The following MID1 variants were observed in gnomAD, a reference collection of about 807,000 sequenced individuals.
MID1 encodes the protein midline 1, also known as E3 ubiquitin-protein ligase Midline-1.
A neutral mutation model predicts 40.4 loss-of-function variants in MID1; 7 were observed. That is an observed-to-expected ratio of 0.17 (90% CI 0.10 to 0.33). The LOEUF (loss-of-function observed/expected upper bound fraction) is 0.33. Among genes scored for constraint, MID1 ranks in the 10% least tolerant of loss-of-function variants. The pLI, the probability that MID1 is intolerant of heterozygous loss-of-function variation, is 1.00. For synonymous variants in MID1, 229 were observed against 221.2 expected (o/e 1.04, Z -0.31); for missense variants, 367 against 558.5 (o/e 0.66, Z 3.46).
At chrX:10,574,837 C>T (rs1934828837) in intron 1 of MID1, among the ~76,000 whole-genome samples, 1 of 112,422 alleles carries the variant, frequency 8.9e-6, no homozygotes, top group African/African-American at 3.2e-5. Context: ...ACTGGGTGGC[C>T]TGTGATTAAT....
chrX:10,587,247 G>A (rs1935161091), intron 1 of MID1, among the ~76,000 whole-genome samples: 1 of 112,742 alleles, frequency 8.9e-6, no homozygotes, highest in African/African-American at 3.2e-5. Context: ...TCGGCAGAGT[G>A]CCCAGTAAAG....
At chrX:10,820,507 GC>G (rs1295107645) in intron 1 of MID1, among the ~76,000 whole-genome samples, 2 of 111,538 alleles carry the variant, frequency 1.8e-5, no homozygotes, top group African/African-American at 6.5e-5. Flanking sequence ...TACCTACAGG[GC>G]CAATTATCTA....
intron 1 of MID1, among the ~76,000 whole-genome samples, chrX:10,726,256 C>T (rs905351547): frequency 1.8e-5 from 2 of 112,122 alleles, no homozygotes; most frequent in East Asian, 2.8e-4. Context: ...ATAAATTTGG[C>T]ACACTCTGTA....
intron 1 of MID1, among the ~76,000 whole-genome samples, chrX:10,740,619 T>C (rs1602549596): frequency 1.8e-5 from 2 of 112,200 alleles, no homozygotes; most frequent in South Asian, 7.4e-4. Context: ...GTTTCTTTCC[T>C]TTCTCAGCCT....
At chrX:10,726,497 T>C (rs1344358534) in intron 1 of MID1, among the ~76,000 whole-genome samples, 1 of 103,455 alleles carries the variant, frequency 9.7e-6, no homozygotes. Flanking sequence ...TGAGTGTTTC[T>C]TTCTCTGAGG....
chrX:10,810,696 C>CTCTGTG (rs1555926591), intron 1 of MID1, among the ~76,000 whole-genome samples: 17 of 101,104 alleles, frequency 1.7e-4, no homozygotes, highest in Admixed American at 1.4e-3. Context: ...GTTGTTTTCT[C>CTCTGTG]TGTGTGTGTG....
At chrX:10,712,248 C>T (rs150952100) in intron 1 of MID1, among the ~76,000 whole-genome samples, 36 of 110,710 alleles carry the variant, frequency 3.3e-4, no homozygotes, top group African/African-American at 7.9e-4. Context: ...CAACTGGCAG[C>T]GGGGAAAGGG....
Position 10,642,396 on chromosome X carries a change from G to A in MID1, c.-186-21977C>T, listed in dbSNP as rs968075470. Reference sequence around the variant, plus strand: ...TAACAGACAGAGAGCCAAATCATGAGTGAACTCCCATTCACAATTGCTTCA... The same window carrying A: ...TAACAGACAGAGAGCCAAATCATGAATGAACTCCCATTCACAATTGCTTCA... On this transcript the variant is annotated intron_variant, in intron 1 of 10. Coordinates refer to the MID1 transcript ENST00000380785. Among the ~76,000 whole-genome samples the A allele has an allele frequency of 5.7e-4, 63 of 110,161 alleles. 1 individual carries two copies. The highest frequency in any genetic ancestry group is 2.1e-3 in the African/African-American group (62 of 29,820).
At chrX:10,779,378 G>A (rs1356237506) in intron 1 of MID1, among the ~76,000 whole-genome samples, 1 of 111,308 alleles carries the variant, frequency 9.0e-6, no homozygotes, top group Admixed American at 9.6e-5. Flanking sequence ...TCCCCGTGTT[G>A]TCCAGGTTGG....
intron 2 of MID1, among the ~76,000 whole-genome samples, chrX:10,552,565 TTTTA>T (rs1043728405): frequency 1.2e-4 from 13 of 111,465 alleles, no homozygotes; most frequent in East Asian, 8.4e-4. Flanking sequence ...CGTTATACTT[TTTTA>T]TTTGTGTTTT....
chrX:10,663,488 G>A (rs1023556707), intron 1 of MID1, among the ~76,000 whole-genome samples: 1 of 111,936 alleles, frequency 8.9e-6, no homozygotes, highest in Non-Finnish European at 1.9e-5. Flanking sequence ...CCGGTTGTAC[G>A]GAAATGCATG....
intron 3 of MID1, chrX:10,501,618 A>C: frequency 1.0e-5 from 10 of 989,259 alleles, no homozygotes; most frequent in Non-Finnish European, 1.4e-5. Flanking sequence ...CACAACAATC[A>C]TATCTGGCCT....
At chrX:10,713,630 G>T (rs2043283269) in intron 1 of MID1, among the ~76,000 whole-genome samples, 1 of 112,581 alleles carries the variant, frequency 8.9e-6, no homozygotes, top group Admixed American at 9.4e-5. Flanking sequence ...GCCTGAAAGA[G>T]AATTTTTAAA....
At chrX:10,764,911 G>A (rs778139372) in intron 1 of MID1, among the ~76,000 whole-genome samples, 7 of 111,531 alleles carry the variant, frequency 6.3e-5, no homozygotes, top group African/African-American at 2.0e-4. Context: ...TTTTTCCCAC[G>A]GACTTTTCTG....
At chrX:10,638,073 T>G (rs1035706162) in intron 1 of MID1, among the ~76,000 whole-genome samples, 1 of 112,005 alleles carries the variant, frequency 8.9e-6, no homozygotes, top group African/African-American at 3.2e-5. Flanking sequence ...CAGTAGGATA[T>G]TGGCCTTGTC....
rs2043428045 is a variant in MID1, at chrX:10,729,814, G to T, written c.-187+103740C>A. On this transcript the variant is annotated intron_variant, in intron 1 of 10. Coordinates refer to the MID1 transcript ENST00000380785. ...ATTTAAAAATTCTTGGCCGGGGGCG[G>T]TGGCTCACGCCTGTAATCCCAGCAC... Among the ~76,000 whole-genome samples, 2 of 111,985 alleles carry T rather than the reference G, an allele frequency of 1.8e-5. 1 individual carries two copies. The highest frequency in any genetic ancestry group is 1.9e-4 in the Admixed American group (2 of 10,563).
chrX:10,490,389 A>G (rs1280136642), intron 4 of MID1, among the ~76,000 whole-genome samples: 7 of 111,838 alleles, frequency 6.3e-5, no homozygotes, highest in African/African-American at 9.7e-5. Flanking sequence ...TTGTGATCTT[A>G]TTCTATGTCA....
intron 4 of MID1, among the ~76,000 whole-genome samples, chrX:10,483,346 C>T (rs1930444897): frequency 8.9e-6 from 1 of 111,930 alleles, no homozygotes; most frequent in Non-Finnish European, 1.9e-5. Flanking sequence ...GGGATAAAAA[C>T]GCATGATTGC....
At chrX:10,610,160 T>C (rs988690852) in intron 1 of MID1, among the ~76,000 whole-genome samples, 3 of 112,311 alleles carry the variant, frequency 2.7e-5, no homozygotes, top group South Asian at 7.4e-4. Context: ...AGATATCAGA[T>C]AGGCAAAGGT....
Sources: gnomAD v4.1 joint callset for allele counts (sites outside exome capture counted in the v4.1 genomes callset) on GRCh38, gnomAD v4.1.1 for gene constraint, MANE v1.5 for transcripts, NCBI Gene and HGNC (gene_info 2026-07-23, HGNC 2026-07-21) for gene names.